The following FLNA variants were observed in gnomAD, a reference collection of about 807,000 sequenced individuals.
The protein encoded by FLNA is filamin A, also known as filamin-A.
A neutral mutation model predicts 157.6 loss-of-function variants in FLNA; 7 were observed. The observed-to-expected ratio is 0.04, with a 90% CI of 0.03 to 0.08. The LOEUF is 0.08. Among genes scored for constraint, FLNA ranks in the 10% least tolerant of loss-of-function variants. The pLI is 1.00. For missense variants in FLNA, 1,750 were observed against 2,398.4 expected (o/e 0.73, Z 5.65); for synonymous variants, 1,103 against 1,060.8 (o/e 1.04, Z -0.77).
Position 154,366,840 on chromosome X carries a change from G to C in FLNA, c.879C>G (p.Pro293=). 2 of 1,207,805 alleles carry C rather than the reference G, an allele frequency of 1.7e-6. No homozygotes were observed. The highest frequency in any genetic ancestry group is 2.2e-6 in the Non-Finnish European group (2 of 891,892). The change falls in exon 6 of 48, where the codon CCC becomes CCG. Residue 293 remains proline (P), a synonymous_variant. Coordinates refer to ENST00000369850, the MANE Select transcript of FLNA (RefSeq NM_001110556.2). ...KARAYGPGIE[P]TGNMVKKRAE... ...CCCGCTTCTTCACCATGTTGCCTGT[G>C]GGCTCGATGCCTGGCAGGGGAAGGC...
intron 2 of FLNA, among the ~76,000 whole-genome samples, chrX:154,369,087 G>A (rs1287349081): frequency 8.9e-6 from 1 of 112,536 alleles, no homozygotes; most frequent in Non-Finnish European, 1.9e-5. Flanking sequence ...ATACTTCTCT[G>A]GTGAGTCAAC....
At position 154,367,439 on chromosome X, in the gene FLNA, G is replaced by A. The variant is rs1172505050; in HGVS notation, c.826C>T (p.Arg276Trp). 7 of 1,210,226 alleles carry A rather than the reference G, an allele frequency of 5.8e-6. No homozygotes were observed. The highest frequency in any genetic ancestry group is 3.5e-5 in the African/African-American group (2 of 57,474). Reference protein sequence around the residue: ...KAKLKPGAPLRPKLNPKKARA... With the variant: ...KAKLKPGAPLWPKLNPKKARA... ...GCTTTCTTCGGGTTCAGTTTGGGCC[G>A]CAAGGGAGCCCCTGGCTTCAGCTTG... Residue 276 changes from arginine to tryptophan, a missense_variant, in exon 5 of 48, where the codon CGG (arginine) becomes TGG (tryptophan). Coordinates refer to ENST00000369850, the MANE Select transcript of FLNA (RefSeq NM_001110556.2).
intron 32 of FLNA, 47 bp downstream of exon 32, chrX:154,354,569 A>G (rs1557176485): frequency 8.5e-7 from 1 of 1,177,036 alleles, no homozygotes; most frequent in East Asian, 3.1e-5. Flanking sequence ...GGGCTCACAG[A>G]ACACCCAGCT....
At chrX:154,367,578 T>G (rs1557179565) in intron 4 of FLNA, 34 bp from the exon 5 acceptor site, 1 of 1,210,799 alleles carries the variant, frequency 8.3e-7, no homozygotes. Context: ...CCATCGGGCC[T>G]CCGAGTCTCT....
Position 154,371,332 on chromosome X carries a change from CGGGAGGCGAGGCA to C in FLNA, c.-100_-88del. ...TTAAAGTCGCAGGCACCTAGGCGCGCGGGAGGCGAGGCAGGGAGCAGAGGTTGCGCTGCGGAGA... is the reference window on the plus strand; with the variant it reads ...TTAAAGTCGCAGGCACCTAGGCGCGCGGGAGCAGAGGTTGCGCTGCGGAGA... On this transcript the variant is annotated 5_prime_UTR_variant, in exon 2 of 48. Coordinates refer to ENST00000369850, the MANE Select transcript of FLNA (RefSeq NM_001110556.2). 9.3e-7 allele frequency: 1 copy of C among 1,073,961 alleles called. No individual in the cohort carries two copies. Among genetic ancestry groups the C allele is most frequent in the Non-Finnish European group, 1.2e-6 (1 of 807,248 alleles). 88.5% of individuals were successfully genotyped at this position (1,073,961 alleles called of 1,213,427 possible).
chrX:154,359,710 T>G, intron 23 of FLNA, 22 bp downstream of exon 23: 1 of 1,207,635 alleles, frequency 8.3e-7, no homozygotes. Context: ...TCTGCCAGCC[T>G]GTGGGAGTCC....
At position 154,371,168 on chromosome X, in the gene FLNA, G is replaced by A. The variant is rs782540418; in HGVS notation, c.78C>T (p.Ala26=). ...APGGGVDTRD[A]EMPATEKDLA... is the part of the protein sequence containing the mutation. Reference sequence around the variant, plus strand: ...GGTCCTTCTCGGTGGCCGGCATCTCGGCGTCCCGCGTGTCGACGCCGCCGC... The same window carrying A: ...GGTCCTTCTCGGTGGCCGGCATCTCAGCGTCCCGCGTGTCGACGCCGCCGC... The change falls in exon 2 of 48, where the codon GCC becomes GCT. Residue 26 remains alanine, a synonymous_variant. Coordinates refer to ENST00000369850, the MANE Select transcript of FLNA (RefSeq NM_001110556.2). 5.9e-6 allele frequency: 7 copies of A among 1,192,589 alleles called. No individual in the cohort carries two copies. In the African/African-American group the frequency reaches 7.1e-5, roughly 12 times the overall value.
chrX:154,362,909 A>G, intron 15 of FLNA, 125 bp from the exon 16 acceptor site: 1 of 747,704 alleles, frequency 1.3e-6, no homozygotes, highest in African/African-American at 2.1e-5. Context: ...GCAGTTCCTC[A>G]GTTGACCACA....
Position 154,371,313 on chromosome X carries a change from T to C in FLNA, c.-68A>G. 8.6e-7 allele frequency: 1 copy of C among 1,158,067 alleles called. No individual in the cohort carries two copies. Among genetic ancestry groups the C allele is most frequent in the Non-Finnish European group, 1.2e-6 (1 of 868,681 alleles). ...CGAGGGGACGGCCCTTTAATTAAAG[T>C]CGCAGGCACCTAGGCGCGCGGGAGG... On this transcript the variant is annotated 5_prime_UTR_variant, in exon 2 of 48. Transcript: ENST00000369850.
Position 154,367,585 on chromosome X carries a change from C to G in FLNA, c.721-41G>C, listed in dbSNP as rs782068999. The G allele has an allele frequency of 2.5e-6, 3 of 1,211,082 alleles. No individual in the cohort carries two copies. The African/African-American group carries it at 5.2e-5, about 21-fold the overall frequency. ...AACAGGAGCCATCGGGCCTCCGAGT[C>G]TCTCCCAACTGCCGATCCGGTCCCC... On this transcript the variant is annotated intron_variant, in intron 4 of 47. Transcript: ENST00000369850.
chrX:154,361,437 A>T lies in FLNA; in HGVS notation c.3078T>A (p.Ala1026=). Residue 1026 remains alanine, a synonymous_variant, in exon 21 of 48, where the codon GCT becomes GCA. Transcript: ENST00000369850. ...GCAGGAAGCGCACCACACTGTTGTC[A>T]GCCCCCAGGCCTGGCTCCACCTTGC... is the stretch of plus-strand genomic sequence containing the variant. ...VPCKVEPGLG[A]DNSVVRFLPR... is the part of the protein sequence containing the mutation. 1 of 1,211,169 alleles carries T rather than the reference A, an allele frequency of 8.3e-7. No homozygotes were observed. The highest frequency in any genetic ancestry group is 1.1e-6 in the Non-Finnish European group (1 of 895,431).
intron 2 of FLNA, among the ~76,000 whole-genome samples, chrX:154,369,205 G>A (rs2067785337): frequency 8.9e-6 from 1 of 112,689 alleles, no homozygotes; most frequent in Non-Finnish European, 1.9e-5. Flanking sequence ...GGCCTCCCCA[G>A]TTCCCAGGTT....
chrX:154,357,057 G>T (rs1178475163), intron 30 of FLNA, among the ~76,000 whole-genome samples, 194 bp downstream of exon 30: 1 of 112,206 alleles, frequency 8.9e-6, no homozygotes, highest in African/African-American at 3.2e-5. Flanking sequence ...AAGAGCTGGA[G>T]CGGTCATGCT....
intron 30 of FLNA, 136 bp from the exon 31 acceptor site, chrX:154,355,208 C>T (rs1169855964): frequency 1.1e-5 from 7 of 650,542 alleles, no homozygotes; most frequent in East Asian, 7.1e-5. Context: ...CCTCCTGCCC[C>T]GCCCTGCCCC....
intron 21 of FLNA, among the ~76,000 whole-genome samples, chrX:154,361,087 A>G (rs2067706137): frequency 9.8e-6 from 1 of 102,339 alleles, no homozygotes; most frequent in Non-Finnish European, 2.0e-5. Context: ...AAAGAAAGAA[A>G]AAAAAAAAAA....
intron 30 of FLNA, 139 bp downstream of exon 30, chrX:154,357,112 C>T (rs955268084): frequency 4.1e-4 from 246 of 596,523 alleles, no homozygotes; most frequent in Non-Finnish European, 2.9e-4. Flanking sequence ...AGCCCACGGC[C>T]TCATCTTCTG....
chrX:154,359,167 G>A lies in FLNA; in HGVS notation c.4304-13C>T, dbSNP rs1557177416. 1.7e-6 allele frequency: 2 copies of A among 1,211,174 alleles called. No homozygotes were observed. The highest frequency in any genetic ancestry group is 1.1e-6 in the Non-Finnish European group (1 of 895,403). On this transcript the variant is annotated splice_polypyrimidine_tract_variant and intron_variant, in intron 25 of 47. Transcript: ENST00000369850. ...TTGAAAGGACTGCCTGAGGGTTGGG[G>A]CAAAGGGATGGCGGCTGTATGAGAC...
At position 154,365,197 on chromosome X, in the gene FLNA, G is replaced by A; in HGVS notation, c.1630C>T (p.Pro544Ser). The change falls in exon 11 of 48, where the codon CCC becomes TCC. Residue 544 changes from proline (P) to serine (S), a missense_variant. By Grantham distance (74) the Pro-to-Ser change is moderately conservative. Around this residue, in one of 5 missense-constraint regions of FLNA, gnomAD observed 648 missense variants for 805.8 expected, o/e 0.80. Coordinates refer to ENST00000369850, the MANE Select transcript of FLNA (RefSeq NM_001110556.2). ...GDGVYGFEYY[P>S]MVPGTYIVTI... ...ACGATATAGGTTCCAGGGACCATGG[G>A]GTAATACTCGAAGCCATACACGCCA... The A allele has an allele frequency of 1.7e-6, 2 of 1,211,127 alleles. No homozygotes were observed. Among genetic ancestry groups the A allele is most frequent in the Non-Finnish European group, 2.2e-6 (2 of 894,972 alleles).
At chrX:154,355,105 C>G (rs1242890360) in intron 30 of FLNA, 33 bp from the exon 31 acceptor site, 2 of 1,186,939 alleles carry the variant, frequency 1.7e-6, no homozygotes, top group Non-Finnish European at 2.3e-6. Flanking sequence ...CAAAGGGGGG[C>G]CAGCGTGTGA....
Sources: allele counts gnomAD v4.1 joint callset (sites outside exome capture counted in the v4.1 genomes callset), GRCh38; gene constraint gnomAD v4.1.1; regional missense constraint gnomAD v4.1.1; transcripts MANE v1.5; gene names NCBI Gene and HGNC (gene_info 2026-07-23, HGNC 2026-07-21).